NUBP1: variants seen among roughly 807,000 people sequenced by gnomAD.
The protein encoded by NUBP1 is cytosolic Fe-S cluster assembly factor NUBP1.
NUBP1 carries 46 observed loss-of-function variants against 41.8 expected under a neutral mutation model. The ratio of observed to expected loss-of-function variants is 1.10; its 90% CI spans 0.87 to 1.41. The LOEUF (loss-of-function observed/expected upper bound fraction) is 1.41. Ranked by LOEUF, NUBP1 falls within the 40% of genes most tolerant of loss-of-function variation. The probability of loss-of-function intolerance (pLI) is 0.00; values close to 1 mark genes in which losing one functional copy is unlikely to be tolerated. For synonymous variants in NUBP1, 189 were observed against 154.6 expected, an observed-to-expected ratio of 1.22 and a Z score of -1.65; for missense variants, 494 against 414.0, an observed-to-expected ratio of 1.19 and a Z score of -1.68.
At chr16:10,748,364 C>T (rs940142866) in intron 3 of NUBP1, among the ~76,000 whole-genome samples, 6 of 152,140 alleles carry the variant, frequency 3.9e-5, no homozygotes, top group Admixed American at 1.3e-4. Flanking sequence ...TTTGCTGGCC[C>T]TTACACGAGT....
At chr16:10,762,001 G>C in intron 9 of NUBP1, 142 bp downstream of exon 9, 2 of 638,440 alleles carry the variant, frequency 3.1e-6, no homozygotes, top group Non-Finnish European at 5.3e-6. Context: ...CCACCCTCCA[G>C]CTGGCACCCC....
intron 4 of NUBP1, 76 bp downstream of exon 4, chr16:10,752,754 C>A: frequency 1.6e-6 from 2 of 1,212,952 alleles, no homozygotes; most frequent in South Asian, 1.2e-5. Flanking sequence ...CAAACCTCAA[C>A]AAAGAGGCAT....
intron 2 of NUBP1, among the ~76,000 whole-genome samples, 179 bp from the exon 3 acceptor site, chr16:10,746,964 C>G (rs1329076813): frequency 1.3e-5 from 2 of 152,082 alleles, no homozygotes; most frequent in African/African-American, 2.4e-5. Flanking sequence ...GTGATAATAG[C>G]CTTATTTTCT....
At chr16:10,758,543 G>GT (rs562688843) in intron 7 of NUBP1, among the ~76,000 whole-genome samples, 11 of 151,586 alleles carry the variant, frequency 7.3e-5, no homozygotes, top group East Asian at 5.8e-4. Context: ...CAACGATTTG[G>GT]TTTTTTTTTA....
Position 10,769,346 on chromosome 16 carries a change from A to G in NUBP1, c.*241A>G, listed in dbSNP as rs181737616. The G allele has an allele frequency of 2.3e-6, 1 of 442,484 alleles. No homozygotes were observed. The highest frequency in any genetic ancestry group is 4.0e-6 in the Non-Finnish European group (1 of 250,482). The allele number at this position is 442,484 out of a possible 1,614,324, so 27.4% of individuals were successfully genotyped here. ...CCGTTTTAAGAATAAAACCCCCTCA[A>G]ATCTCTCCCCCGAGGCCTGTTTCAC... On this transcript the variant is annotated 3_prime_UTR_variant, in exon 11 of 11. Coordinates refer to ENST00000283027, the MANE Select transcript of NUBP1 (RefSeq NM_002484.4).
chr16:10,750,333 C>G (rs1215254332), intron 3 of NUBP1, among the ~76,000 whole-genome samples: 1 of 152,212 alleles, frequency 6.6e-6, no homozygotes, highest in Non-Finnish European at 1.5e-5. Flanking sequence ...CAACCTCCAC[C>G]TCCCGGGCTC....
intron 4 of NUBP1, among the ~76,000 whole-genome samples, chr16:10,753,547 C>T (rs933447783): frequency 6.6e-6 from 1 of 151,964 alleles, no homozygotes; most frequent in Non-Finnish European, 1.5e-5. Flanking sequence ...TGGGATGTCC[C>T]GAGAGTCTCA....
Position 10,767,209 on chromosome 16 carries a change from C to T in NUBP1, c.821-740C>T, listed in dbSNP as rs1211353801. ...AGGTCCACCCACGACTGGGGGCTGG[C>T]AGGGCAGACTGGAGGCGAGAACACC... On this transcript the variant is annotated intron_variant, in intron 9 of 10. Transcript: ENST00000283027. The surrounding 1 kb of genome is among the most constrained non-coding windows in gnomAD (Gnocchi z 4.6). 4 of 399,794 alleles carry T rather than the reference C, an allele frequency of 1.0e-5. No individual in the cohort carries two copies. Among genetic ancestry groups the T allele is most frequent in the Non-Finnish European group, 1.8e-5 (4 of 227,202 alleles). 24.8% of individuals were successfully genotyped at this position (399,794 alleles called of 1,614,324 possible). A position where few individuals can be genotyped will look rare whatever the true frequency, so the allele number is the denominator to read the frequency against.
At chr16:10,761,310 C>A in intron 7 of NUBP1, 54 bp from the exon 8 acceptor site, 2 of 1,532,458 alleles carry the variant, frequency 1.3e-6, no homozygotes, top group East Asian at 2.3e-5. Flanking sequence ...GTTGCACAGA[C>A]ATTCCCTTTC....
chr16:10,768,198 A>AGTATT lies in NUBP1; in HGVS notation c.904+169_904+173dup. 3.7e-6 allele frequency: 2 copies of AGTATT among 535,888 alleles called. No homozygotes were observed. The highest frequency in any genetic ancestry group is 3.4e-5 in the Admixed American group (1 of 29,734). 33.2% of individuals were successfully genotyped at this position (535,888 alleles called of 1,614,324 possible). Reference sequence around the variant, plus strand: ...TCCATGAGAAATCTCTCAATGTGTGAGTATTGTGAATTAATTCATAGTTTA... The same window carrying AGTATT: ...TCCATGAGAAATCTCTCAATGTGTGAGTATTGTATTGTGAATTAATTCATAGTTTA... On this transcript the variant is annotated intron_variant, in intron 10 of 10. Transcript: ENST00000283027. The surrounding 1 kb of genome is among the most constrained non-coding windows in gnomAD (Gnocchi z 4.3).
intron 7 of NUBP1, 46 bp from the exon 8 acceptor site, chr16:10,761,318 T>G: frequency 6.4e-7 from 1 of 1,569,706 alleles, no homozygotes; most frequent in Non-Finnish European, 8.8e-7. Context: ...GACATTCCCT[T>G]TCTCGCACTT....
rs1386702218 is a variant in NUBP1, at chr16:10,747,173, CT to C, written c.156del (p.Val53Ter). On this transcript the variant is annotated frameshift_variant, in exon 3 of 11. Transcript: ENST00000283027. LOFTEE classifies it high-confidence loss of function. ...AIEEIKEKMKTVKHKILVLSG... is the reference protein window; with the variant it reads ...AIEEIKEKMKXVKHKILVLSG... Reference sequence around the variant, plus strand: ...GAGGAAATCAAAGAGAAAATGAAGACTGTAAAACACAAAATCTTGGTATTGT... The same window carrying C: ...GAGGAAATCAAAGAGAAAATGAAGACGTAAAACACAAAATCTTGGTATTGT... 1 of 1,614,168 alleles carries C rather than the reference CT, an allele frequency of 6.2e-7. No homozygotes were observed. The highest frequency in any genetic ancestry group is 1.1e-5 in the South Asian group (1 of 91,082).
intron 2 of NUBP1, among the ~76,000 whole-genome samples, chr16:10,746,613 C>T (rs1286288680): frequency 6.6e-6 from 1 of 152,124 alleles, no homozygotes; most frequent in Non-Finnish European, 1.5e-5. Flanking sequence ...TGGTGGCAGG[C>T]ACCTGTAATC....
intron 9 of NUBP1, among the ~76,000 whole-genome samples, chr16:10,762,482 G>A (rs912054755): frequency 3.0e-4 from 45 of 152,296 alleles, no homozygotes; most frequent in African/African-American, 9.6e-4. Context: ...CCCACTCGCC[G>A]CGGGGCGCTG....
chr16:10,745,692 GTAGTTACATT>G (rs1363760520), intron 2 of NUBP1, among the ~76,000 whole-genome samples: 1 of 152,220 alleles, frequency 6.6e-6, no homozygotes, highest in Non-Finnish European at 1.5e-5. Flanking sequence ...CTCGTGGCAG[GTAGTTACATT>G]CTTGTGAGGT....
rs1900653365 is a variant in NUBP1, at chr16:10,757,731, G to C, written c.452-142G>C. On this transcript the variant is annotated intron_variant, in intron 6 of 10. Coordinates refer to ENST00000283027, the MANE Select transcript of NUBP1 (RefSeq NM_002484.4). This position sits in a 1 kb window ranked among gnomAD's most constrained non-coding sequence, Gnocchi z 4.1. ...TAGTCCTAGTTACTTGGGAGGCTGAGGTGGGAGGATTGCTTGAGCCTCAGA... is the reference window on the plus strand; with the variant it reads ...TAGTCCTAGTTACTTGGGAGGCTGACGTGGGAGGATTGCTTGAGCCTCAGA... 4 of 936,120 alleles carry C rather than the reference G, an allele frequency of 4.3e-6. No homozygotes were observed. The highest frequency in any genetic ancestry group is 6.5e-6 in the Non-Finnish European group (4 of 618,512). 58.0% of individuals were successfully genotyped at this position (936,120 alleles called of 1,614,324 possible).
intron 2 of NUBP1, among the ~76,000 whole-genome samples, chr16:10,745,439 A>G (rs1261647123): frequency 6.6e-6 from 1 of 152,022 alleles, no homozygotes; most frequent in Non-Finnish European, 1.5e-5. Context: ...TGGGTGACAG[A>G]GTGAGACCCT....
chr16:10,757,275 G>C lies in NUBP1; in HGVS notation c.451+495G>C, dbSNP rs1216751648. ...CCACTGCACTCCAGCCTGTGTGACA[G>C]AGCGAGACTTTTTCTCAAAAAAAAA... is the stretch of plus-strand genomic sequence containing the variant. On this transcript the variant is annotated intron_variant, in intron 6 of 10. Transcript: ENST00000283027. This position sits in a 1 kb window ranked among gnomAD's most constrained non-coding sequence, Gnocchi z 4.1. Among the ~76,000 whole-genome samples the C allele has an allele frequency of 2.0e-5, 3 of 152,130 alleles. No individual in the cohort carries two copies. Among genetic ancestry groups the C allele is most frequent in the Non-Finnish European group, 4.4e-5 (3 of 68,014 alleles).
At chr16:10,748,958 G>A (rs749372699) in intron 3 of NUBP1, among the ~76,000 whole-genome samples, 6 of 151,960 alleles carry the variant, frequency 3.9e-5, no homozygotes, top group Non-Finnish European at 7.4e-5. Flanking sequence ...GGGCATGGTG[G>A]TACGTGCCTG....
Sources: gnomAD v4.1 joint callset for allele counts (sites outside exome capture counted in the v4.1 genomes callset) on GRCh38, gnomAD v4.1.1 for gene constraint, Gnocchi (gnomAD v3.1) non-coding constraint, MANE v1.5 for transcripts, NCBI Gene and HGNC (gene_info 2026-07-23, HGNC 2026-07-21) for gene names.